Variants in KLF12 observed in about 807,000 individuals in gnomAD.
KLF12 encodes the protein KLF transcription factor 12, also known as Krueppel-like factor 12.
KLF12 carries 9 observed loss-of-function variants against 37.8 expected under a neutral mutation model. The observed-to-expected ratio is 0.24, with a 90% CI of 0.14 to 0.42. KLF12 has a LOEUF of 0.42. Among genes scored for constraint, KLF12 ranks in the 10% least tolerant of loss-of-function variants. The pLI, the probability that KLF12 is intolerant of heterozygous loss-of-function variation, is 1.00. For synonymous variants in KLF12, 208 were observed against 202.1 expected (o/e 1.03, Z -0.25); for missense variants, 411 against 516.0 (o/e 0.80, Z 1.97).
At chr13:74,025,447 T>A (rs1892950486) in intron 1 of KLF12, among the ~76,000 whole-genome samples, 1 of 152,154 alleles carries the variant, frequency 6.6e-6, no homozygotes, top group African/African-American at 2.4e-5. Flanking sequence ...TCTGAATATA[T>A]CTGATGCTCA....
At chr13:73,720,569 A>G (rs1388808935) in intron 6 of KLF12, among the ~76,000 whole-genome samples, 3 of 152,204 alleles carry the variant, frequency 2.0e-5, no homozygotes, top group Non-Finnish European at 4.4e-5. Context: ...GACCATTTAG[A>G]GTAGTGAATG....
chr13:74,019,832 T>C (rs987820710), intron 1 of KLF12, among the ~76,000 whole-genome samples: 5 of 152,222 alleles, frequency 3.3e-5, no homozygotes, highest in Admixed American at 6.5e-5. Context: ...CTCAAGTCCA[T>C]GGTCCCCGTG....
intron 6 of KLF12, among the ~76,000 whole-genome samples, chr13:73,763,488 A>G (rs1380812514): frequency 6.6e-6 from 1 of 152,356 alleles, no homozygotes; most frequent in East Asian, 1.9e-4. Context: ...TTTGTTTTCC[A>G]TGGATTACTT....
chr13:74,174,402 G>T, the KLF12 span, among the ~76,000 whole-genome samples: 2 of 147,710 alleles, frequency 1.4e-5, no homozygotes, highest in Non-Finnish European at 3.0e-5. Flanking sequence ...GCGCGAACTC[G>T]GGCTAATTTT....
chr13:73,806,657 A>G (rs552286117), intron 5 of KLF12, among the ~76,000 whole-genome samples: 3 of 151,986 alleles, frequency 2.0e-5, no homozygotes, highest in Admixed American at 2.0e-4. Context: ...AACAAAAAAA[A>G]AAAAAAAGAA....
intron 3 of KLF12, among the ~76,000 whole-genome samples, chr13:73,924,597 C>T (rs958958282): frequency 1.3e-5 from 2 of 152,074 alleles, no homozygotes; most frequent in Admixed American, 6.6e-5. Context: ...TTCCCTGAGA[C>T]ATTAAGTATT....
intron 6 of KLF12, among the ~76,000 whole-genome samples, chr13:73,744,530 T>G (rs924335783): frequency 2.0e-5 from 3 of 150,682 alleles, no homozygotes; most frequent in Non-Finnish European, 3.0e-5. Context: ...GTGATGGACA[T>G]CCTGGAGCCT....
chr13:74,227,938 T>A, the KLF12 span, among the ~76,000 whole-genome samples: 1 of 152,208 alleles, frequency 6.6e-6, no homozygotes, highest in South Asian at 2.1e-4. Flanking sequence ...GGTAGAAGAA[T>A]GTTTAGTCAA....
At chr13:74,280,678 A>G in the KLF12 span, among the ~76,000 whole-genome samples, 1 of 152,232 alleles carries the variant, frequency 6.6e-6, no homozygotes, top group Non-Finnish European at 1.5e-5. Flanking sequence ...GGATGGAGTC[A>G]GAGCAGTGAA....
chr13:73,739,264 A>G lies in KLF12; in HGVS notation c.870-23739T>C, dbSNP rs1276551985. 2.0e-5 allele frequency among the ~76,000 whole-genome samples: 3 copies of G among 150,182 alleles called. No homozygotes were observed. In the East Asian group the frequency reaches 5.9e-4, roughly 29 times the overall value. On this transcript the variant is annotated intron_variant, in intron 6 of 7. Coordinates refer to ENST00000377669, the MANE Select transcript of KLF12 (RefSeq NM_007249.5). ...AATAATAATAATAATAATAATAATA[A>G]TAATAATAATAAATGTACTTGTCTT...
rs200854118 is a variant in KLF12, at chr13:73,859,812, GA to G, written c.124-13440del. Among the ~76,000 whole-genome samples, 397 of 144,764 alleles carry G rather than the reference GA, an allele frequency of 2.7e-3. 1 individual carries two copies. The highest frequency in any genetic ancestry group is 7.9e-3 in the African/African-American group (315 of 39,742). The allele number at this position is 144,764 out of a possible 152,430, so 95.0% of individuals were successfully genotyped here. A position where few individuals can be genotyped will look rare whatever the true frequency, so the allele number is the denominator to read the frequency against. On this transcript the variant is annotated intron_variant, in intron 3 of 7. Transcript: ENST00000377669. ...TGAGAAAAGACGGTAGGATAAAATGGAAAAAAAAAAATCCGAAACCAAAAAC... is the reference window on the plus strand; with the variant it reads ...TGAGAAAAGACGGTAGGATAAAATGGAAAAAAAAAATCCGAAACCAAAAAC...
At chr13:74,280,379 A>G in the KLF12 span, among the ~76,000 whole-genome samples, 1 of 152,198 alleles carries the variant, frequency 6.6e-6, no homozygotes, top group Non-Finnish European at 1.5e-5. Flanking sequence ...AACAGGTTAA[A>G]CAGTCTGTTC....
intron 6 of KLF12, among the ~76,000 whole-genome samples, chr13:73,738,419 T>C (rs1318857616): frequency 6.6e-6 from 1 of 151,942 alleles, no homozygotes; most frequent in Non-Finnish European, 1.5e-5. Flanking sequence ...CCCAAAGTGT[T>C]TGGATTACAG....
chr13:73,846,490 C>T (rs896923709), intron 3 of KLF12, 117 bp from the exon 4 acceptor site: 5 of 928,954 alleles, frequency 5.4e-6, no homozygotes, highest in East Asian at 2.6e-5. Flanking sequence ...GACATTTATT[C>T]GTTCTCCAAA....
At chr13:74,262,583 T>A in the KLF12 span, among the ~76,000 whole-genome samples, 1 of 152,166 alleles carries the variant, frequency 6.6e-6, no homozygotes, top group Non-Finnish European at 1.5e-5. Flanking sequence ...ATGTAAATGC[T>A]ATGTAAACAA....
intron 1 of KLF12, among the ~76,000 whole-genome samples, chr13:74,090,461 A>G (rs1185951745): frequency 2.0e-5 from 3 of 152,174 alleles, no homozygotes; most frequent in Non-Finnish European, 4.4e-5. Flanking sequence ...ATTAATCTAC[A>G]GATTCAATGT....
At chr13:73,947,880 G>A (rs565142937) in intron 2 of KLF12, among the ~76,000 whole-genome samples, 2 of 152,152 alleles carry the variant, frequency 1.3e-5, no homozygotes, top group Non-Finnish European at 2.9e-5. Flanking sequence ...ACCTCCCAAG[G>A]CAGGTCATTT....
At chr13:73,812,547 A>C (rs1815915392) in intron 5 of KLF12, among the ~76,000 whole-genome samples, 1 of 151,056 alleles carries the variant, frequency 6.6e-6, no homozygotes, top group African/African-American at 2.5e-5. Context: ...ATTCTACAAA[A>C]AAAAACATGG....
chr13:74,288,552 AC>A, the KLF12 span, among the ~76,000 whole-genome samples: 1 of 152,148 alleles, frequency 6.6e-6, no homozygotes, highest in African/African-American at 2.4e-5. Context: ...ACTCCTCTCA[AC>A]AGGGTGGGGA....
Sources: allele counts gnomAD v4.1 joint callset (sites outside exome capture counted in the v4.1 genomes callset), GRCh38; gene constraint gnomAD v4.1.1; transcripts MANE v1.5; gene names NCBI Gene and HGNC (gene_info 2026-07-23, HGNC 2026-07-21).